PROX2: variants seen among roughly 807,000 people sequenced by gnomAD.
PROX2 encodes the protein prospero homeobox 2, also known as prospero homeobox protein 2.
PROX2 carries 46 observed loss-of-function variants against 48.9 expected under a neutral mutation model. That is an observed-to-expected ratio of 0.94 (90% CI 0.74 to 1.20). The LOEUF (loss-of-function observed/expected upper bound fraction) is 1.20. Among genes scored for constraint, PROX2 ranks in the 50% most tolerant of loss-of-function variants. The pLI, the probability that PROX2 is intolerant of heterozygous loss-of-function variation, is 0.00. For missense variants in PROX2, 663 were observed against 719.4 expected, an observed-to-expected ratio of 0.92 and a Z score of 0.90; for synonymous variants, 260 against 276.6, an observed-to-expected ratio of 0.94 and a Z score of 0.60.
chr14:74,863,448 G>A lies in PROX2; in HGVS notation c.387C>T (p.Gly129=). ...PAWDQGNRKG[G]PRVREQLHLL... Reference sequence around the variant, plus strand: ...GATGAAGTTGTTCTCTCACACGAGGGCCCCCCTTCCTGTTGCCCTGGTCCC... The same window carrying A: ...GATGAAGTTGTTCTCTCACACGAGGACCCCCCTTCCTGTTGCCCTGGTCCC... Residue 129 remains glycine, a synonymous_variant, in exon 3 of 6, where the codon GGC becomes GGT. Coordinates refer to ENST00000556489, the MANE Select transcript of PROX2 (RefSeq NM_001243007.2). 6.2e-7 allele frequency: 1 copy of A among 1,613,422 alleles called. No individual in the cohort carries two copies. The highest frequency in any genetic ancestry group is 8.5e-7 in the Non-Finnish European group (1 of 1,179,580).
At chr14:74,856,746 A>G in intron 5 of PROX2, 55 bp downstream of exon 5, 1 of 1,483,542 alleles carries the variant, frequency 6.7e-7, no homozygotes, top group Non-Finnish European at 9.3e-7. Flanking sequence ...TAAAACTCGA[A>G]TCATATAGGG....
chr14:74,862,668 T>C lies in PROX2; in HGVS notation c.1167A>G (p.Pro389=), dbSNP rs374137077. The C allele has an allele frequency of 4.3e-6, 7 of 1,613,800 alleles. No individual in the cohort carries two copies. The highest frequency in any genetic ancestry group is 2.7e-5 in the African/African-American group (2 of 74,894). The change falls in exon 3 of 6, where the codon CCA becomes CCG. Residue 389 remains proline (P), a synonymous_variant. Coordinates refer to ENST00000556489, the MANE Select transcript of PROX2 (RefSeq NM_001243007.2). ...GACACTGCTGCTGGCTCAGGACCAA[T>C]GGTTGCGGCTTAGTAGTTCTCCAAG... ...LRPWRTTKPQ[P]LVLSQQQCPL... is the part of the protein sequence containing the mutation.
intron 1 of PROX2, chr14:74,873,898 G>A (rs1415543397): frequency 4.4e-6 from 2 of 456,676 alleles, no homozygotes; most frequent in East Asian, 1.2e-4. Flanking sequence ...ACTGCAGTGT[G>A]AGGAGCAGGG....
At chr14:74,868,137 T>C (rs1268615574) in intron 2 of PROX2, among the ~76,000 whole-genome samples, 1 of 151,886 alleles carries the variant, frequency 6.6e-6, no homozygotes, top group Non-Finnish European at 1.5e-5. Context: ...TTATTGCATC[T>C]CTTAGACGAT....
Position 74,854,407 on chromosome 14 carries a change from T to C in PROX2, c.*725A>G, listed in dbSNP as rs2140158912. The C allele has an allele frequency of 6.8e-6, 2 of 292,088 alleles. No individual in the cohort carries two copies. The highest frequency in any genetic ancestry group is 4.7e-5 in the Admixed American group (1 of 21,070). 18.1% of individuals were successfully genotyped at this position (292,088 alleles called of 1,614,324 possible). On this transcript the variant is annotated 3_prime_UTR_variant, in exon 6 of 6. Transcript: ENST00000556489. ...TGCCCTGTCAGCGCTGGATGCTTAC[T>C]AGGGGTGGGGTCCTGCTTGAGATCC...
intron 5 of PROX2, chr14:74,855,539 T>C: frequency 2.7e-6 from 1 of 370,296 alleles, no homozygotes; most frequent in Non-Finnish European, 4.8e-6. Flanking sequence ...GGACACTTCC[T>C]TTGTAGGAGG....
At position 74,853,130 on chromosome 14, in the gene PROX2, G is replaced by A. The variant is rs2091717084; in HGVS notation, c.*2002C>T. The A allele has an allele frequency of 6.6e-6, 1 of 152,204 alleles. No homozygotes were observed. Among genetic ancestry groups the A allele is most frequent in the Non-Finnish European group, 1.5e-5 (1 of 68,034 alleles). 9.4% of individuals were successfully genotyped at this position (152,204 alleles called of 1,614,324 possible). A position where few individuals can be genotyped will look rare whatever the true frequency, so the allele number is the denominator to read the frequency against. On this transcript the variant is annotated 3_prime_UTR_variant, in exon 6 of 6. Coordinates refer to ENST00000556489, the MANE Select transcript of PROX2 (RefSeq NM_001243007.2). ...CAGTACACAAATGTTTTCAATTTGA[G>A]CTTGTACATTTCATCTCATTGGTCC... is the stretch of plus-strand genomic sequence containing the variant.
In PROX2 at chr14:74,862,819, T is replaced by A; in HGVS notation, c.1016A>T (p.His339Leu). The A allele has an allele frequency of 1.2e-6, 2 of 1,613,994 alleles. No homozygotes were observed. The highest frequency in any genetic ancestry group is 2.2e-5 in the South Asian group (2 of 91,072). ...GCTAAGAATCTGATTTTCCTGGATG[T>A]GGGAAGGTGCAGTCAAGGGAAAGTT... The part of the protein sequence containing the change: ...PANFPLTAPS[H>L]IQENQILSQL... Residue 339 changes from histidine (H) to leucine (L), a missense_variant, in exon 3 of 6, where the codon CAC becomes CTC. Physicochemically the swap from His to Leu is moderately conservative, Grantham distance 99. Transcript: ENST00000556489.
At chr14:74,871,018 G>A (rs1883200820) in intron 2 of PROX2, 85 bp downstream of exon 2, 1 of 152,142 alleles carries the variant, frequency 6.6e-6, no homozygotes. Flanking sequence ...GTCCAGCCTG[G>A]GCAACAGAGC....
chr14:74,854,641 G>A lies in PROX2; in HGVS notation c.*491C>T, dbSNP rs2091728725. The A allele has an allele frequency of 6.5e-6, 1 of 153,486 alleles. No homozygotes were observed. Among genetic ancestry groups the A allele is most frequent in the African/African-American group, 2.4e-5 (1 of 41,438 alleles). 9.5% of individuals were successfully genotyped at this position (153,486 alleles called of 1,614,324 possible). A position where few individuals can be genotyped will look rare whatever the true frequency, so the allele number is the denominator to read the frequency against. Reference sequence around the variant, plus strand: ...GGTGAAAAGCTTAAAGTATGTGAAAGTATCTAGCAAATAGATGGCGCTTTA... The same window carrying A: ...GGTGAAAAGCTTAAAGTATGTGAAAATATCTAGCAAATAGATGGCGCTTTA... On this transcript the variant is annotated 3_prime_UTR_variant, in exon 6 of 6. Transcript: ENST00000556489.
Position 74,863,979 on chromosome 14 carries a change from C to G in PROX2, c.-145G>C. 9.2e-7 allele frequency: 1 copy of G among 1,086,708 alleles called. No homozygotes were observed. The highest frequency in any genetic ancestry group is 1.2e-6 in the Non-Finnish European group (1 of 840,328). The allele number at this position is 1,086,708 out of a possible 1,614,324, so 67.3% of individuals were successfully genotyped here. A position where few individuals can be genotyped will look rare whatever the true frequency, so the allele number is the denominator to read the frequency against. ...GAGGAAGGATTCAGATTCTGGGATG[C>G]CAGGGCTCATGAACCTCCTGGGCAG... On this transcript the variant is annotated 5_prime_UTR_variant, in exon 3 of 6. Transcript: ENST00000556489.
At chr14:74,855,403 G>A (rs2140160009) in intron 5 of PROX2, 101 bp from the exon 6 acceptor site, 1 of 924,098 alleles carries the variant, frequency 1.1e-6, no homozygotes, top group South Asian at 2.6e-5. Context: ...CTTGGGTAGT[G>A]GGCTAGGAGC....
chr14:74,874,106 C>A, intron 1 of PROX2: 2 of 528,798 alleles, frequency 3.8e-6, no homozygotes, highest in South Asian at 2.8e-5. Context: ...TATGGCTTTT[C>A]TAAAGACCGC....
In PROX2 at chr14:74,863,437, C is replaced by T. The variant is rs1326441925; in HGVS notation, c.398G>A (p.Arg133Lys). The change falls in exon 3 of 6, where the codon AGA (arginine) becomes AAA (lysine). Residue 133 changes from arginine to lysine, a missense_variant. By Grantham distance (26) the Arg-to-Lys change is conservative. Coordinates refer to ENST00000556489, the MANE Select transcript of PROX2 (RefSeq NM_001243007.2). ...TTGCTTCAGCAGATGAAGTTGTTCT[C>T]TCACACGAGGGCCCCCCTTCCTGTT... Reference protein sequence around the residue: ...QGNRKGGPRVREQLHLLKQQL... With the variant: ...QGNRKGGPRVKEQLHLLKQQL... The T allele has an allele frequency of 1.2e-6, 2 of 1,613,290 alleles. No individual in the cohort carries two copies. The highest frequency in any genetic ancestry group is 1.7e-6 in the Non-Finnish European group (2 of 1,179,502).
Position 74,876,075 on chromosome 14 carries a change from G to A in PROX2, c.-490C>T, listed in dbSNP as rs571018084. The stretch of plus-strand genomic sequence containing the variant: ...GGCCGGGTGCCCGTGGCTGGGTGAG[G>A]GGAGGCTCTGGCCCCTTCTTAGCAC... On this transcript the variant is annotated 5_prime_UTR_variant, in exon 1 of 6. Coordinates refer to ENST00000556489, the MANE Select transcript of PROX2 (RefSeq NM_001243007.2). Among the ~76,000 whole-genome samples, 4 of 152,340 alleles carry A rather than the reference G, an allele frequency of 2.6e-5. No individual in the cohort carries two copies. In the East Asian group the frequency reaches 5.8e-4, roughly 22 times the overall value.
At chr14:74,855,587 G>T in intron 5 of PROX2, 1 of 282,244 alleles carries the variant, frequency 3.5e-6, no homozygotes, top group Non-Finnish European at 6.5e-6. Flanking sequence ...TAACTAAGCA[G>T]GTCAGAAAAT....
rs780332153 is a variant in PROX2 at position 74,862,824 on chromosome 14, A to C, written c.1011T>G (p.Pro337=). 1.2e-6 allele frequency: 2 copies of C among 1,614,002 alleles called. No homozygotes were observed. The highest frequency in any genetic ancestry group is 2.7e-5 in the African/African-American group (2 of 75,048). The change falls in exon 3 of 6, where the codon CCT becomes CCG. Residue 337 remains proline, a synonymous_variant. Coordinates refer to ENST00000556489, the MANE Select transcript of PROX2 (RefSeq NM_001243007.2). The part of the protein sequence containing the change: ...DPPANFPLTA[P]SHIQENQILS... ...GAATCTGATTTTCCTGGATGTGGGA[A>C]GGTGCAGTCAAGGGAAAGTTTGCTG...
intron 2 of PROX2, among the ~76,000 whole-genome samples, chr14:74,868,145 G>A (rs902602565): frequency 4.6e-5 from 7 of 151,638 alleles, no homozygotes; most frequent in East Asian, 1.9e-4. Flanking sequence ...TCTCTTAGAC[G>A]ATGAAAGTAA....
Position 74,863,037 on chromosome 14 carries a change from C to G in PROX2, c.798G>C (p.Glu266Asp). 6.2e-7 allele frequency: 1 copy of G among 1,613,920 alleles called. No individual in the cohort carries two copies. Among genetic ancestry groups the G allele is most frequent in the Non-Finnish European group, 8.5e-7 (1 of 1,179,840 alleles). Residue 266 changes from glutamate to aspartate, a missense_variant, in exon 3 of 6, where the codon GAG becomes GAC. Glu to Asp is a conservative substitution (Grantham distance 45). Coordinates refer to ENST00000556489, the MANE Select transcript of PROX2 (RefSeq NM_001243007.2). ...CAGGAGGTGAGGGCTCGCTTCTACC[C>G]TCTGCCACCTGCCCCTGGAAGCTTC... ...LGRSFQGQVA[E>D]GRSEPSPPVG... is the part of the protein sequence containing the mutation.
Sources: allele counts gnomAD v4.1 joint callset (sites outside exome capture counted in the v4.1 genomes callset), GRCh38; gene constraint gnomAD v4.1.1; transcripts MANE v1.5; gene names NCBI Gene and HGNC (gene_info 2026-07-23, HGNC 2026-07-21).